The following STXBP5L variants were observed in gnomAD, a reference collection of about 807,000 sequenced individuals.
STXBP5L encodes the protein syntaxin-binding protein 5-like.
STXBP5L carries 65 observed loss-of-function variants against 144.5 expected under a neutral mutation model. The ratio of observed to expected loss-of-function variants is 0.45; its 90% CI spans 0.37 to 0.55. The LOEUF is 0.55. STXBP5L is among the 20% of genes least tolerant of loss of function. The pLI is 0.00. For synonymous variants in STXBP5L, 505 were observed against 469.6 expected (o/e 1.08, Z -0.97); for missense variants, 1,298 against 1,405.5 (o/e 0.92, Z 1.22).
intron 20 of STXBP5L, among the ~76,000 whole-genome samples, chr3:121,348,376 T>C (rs914916121): frequency 6.6e-6 from 1 of 152,150 alleles, no homozygotes; most frequent in African/African-American, 2.4e-5. Context: ...TTATTGAGGA[T>C]TTTTGTGTCG....
chr3:121,404,824 C>A (rs1237221655), intron 22 of STXBP5L, among the ~76,000 whole-genome samples: 5 of 152,126 alleles, frequency 3.3e-5, no homozygotes, highest in Admixed American at 6.6e-5. Flanking sequence ...TGAAAAGAAG[C>A]CTTCCCTTCT....
At chr3:121,301,470 A>G (rs944198971) in intron 19 of STXBP5L, among the ~76,000 whole-genome samples, 5 of 152,200 alleles carry the variant, frequency 3.3e-5, no homozygotes, top group African/African-American at 1.2e-4. Flanking sequence ...TTCTCTAGCT[A>G]TACAATCATG....
chr3:121,407,220 G>C, intron 22 of STXBP5L, 23 bp from the exon 23 acceptor site: 1 of 1,529,776 alleles, frequency 6.5e-7, no homozygotes, highest in African/African-American at 1.4e-5. Context: ...TGACATGTCA[G>C]TGATGTCCAA....
intron 3 of STXBP5L, among the ~76,000 whole-genome samples, chr3:121,006,759 C>G (rs552269661): frequency 1.3e-5 from 2 of 152,264 alleles, no homozygotes; most frequent in East Asian, 3.9e-4. Flanking sequence ...GTGACAAAAT[C>G]TCTCAGCATT....
intron 5 of STXBP5L, among the ~76,000 whole-genome samples, chr3:121,078,973 G>A (rs887744197): frequency 6.6e-5 from 10 of 152,198 alleles, no homozygotes; most frequent in Admixed American, 3.3e-4. Context: ...AGACAGCTCC[G>A]GCCTTGACCA....
chr3:121,020,460 A>T (rs1397647149), intron 3 of STXBP5L, among the ~76,000 whole-genome samples: 2 of 152,234 alleles, frequency 1.3e-5, no homozygotes, highest in Non-Finnish European at 1.5e-5. Flanking sequence ...ACACATAGTT[A>T]TCGGTTATCT....
At chr3:120,910,791 C>G (rs1224506191) in intron 2 of STXBP5L, among the ~76,000 whole-genome samples, 1 of 151,998 alleles carries the variant, frequency 6.6e-6, no homozygotes, top group Non-Finnish European at 1.5e-5. Context: ...CTAGCAGGGT[C>G]ATTATAAAAA....
chr3:120,977,263 C>T (rs1038446868), intron 3 of STXBP5L, among the ~76,000 whole-genome samples: 1 of 152,160 alleles, frequency 6.6e-6, no homozygotes, highest in African/African-American at 2.4e-5. Flanking sequence ...GGATAGTTAG[C>T]TCTTCTTGTT....
At chr3:121,197,312 A>G (rs556321350) in intron 9 of STXBP5L, among the ~76,000 whole-genome samples, 1 of 152,236 alleles carries the variant, frequency 6.6e-6, no homozygotes, top group South Asian at 2.1e-4. Flanking sequence ...GTCATACTAT[A>G]TCTTCCTTTT....
chr3:121,209,342 G>A (rs191837058), intron 10 of STXBP5L, among the ~76,000 whole-genome samples: 11 of 152,132 alleles, frequency 7.2e-5, no homozygotes, highest in African/African-American at 9.6e-5. Context: ...TTGAGGAATC[G>A]CCACAATGTC....
intron 5 of STXBP5L, among the ~76,000 whole-genome samples, chr3:121,091,281 T>A (rs2042777043): frequency 6.8e-6 from 1 of 147,520 alleles, no homozygotes; most frequent in Admixed American, 7.1e-5. Context: ...TATAGTCCTT[T>A]GGGTATATAC....
intron 3 of STXBP5L, among the ~76,000 whole-genome samples, chr3:121,034,061 T>A (rs1202969118): frequency 6.6e-6 from 1 of 152,118 alleles, no homozygotes; most frequent in African/African-American, 2.4e-5. Context: ...AATGAGCATC[T>A]ATAATATGCC....
intron 20 of STXBP5L, among the ~76,000 whole-genome samples, chr3:121,340,075 A>T (rs1352112591): frequency 3.9e-5 from 6 of 152,240 alleles, no homozygotes; most frequent in Non-Finnish European, 2.9e-5. Flanking sequence ...TATGGAACCA[A>T]AAAAGAGCCC....
intron 19 of STXBP5L, among the ~76,000 whole-genome samples, chr3:121,299,892 G>T (rs1222143595): frequency 6.7e-6 from 1 of 150,244 alleles, no homozygotes; most frequent in Non-Finnish European, 1.5e-5. Flanking sequence ...GAGGTTGGAG[G>T]ATTGCTTGAG....
intron 3 of STXBP5L, among the ~76,000 whole-genome samples, chr3:120,976,141 C>T (rs548675019): frequency 1.2e-4 from 18 of 152,244 alleles, no homozygotes; most frequent in African/African-American, 3.1e-4. Context: ...TCTTGTACCT[C>T]GGGTAGAATT....
chr3:121,403,583 A>G (rs1309862717), intron 22 of STXBP5L, among the ~76,000 whole-genome samples: 1 of 152,178 alleles, frequency 6.6e-6, no homozygotes, highest in Admixed American at 6.5e-5. Flanking sequence ...TGGGCAATAT[A>G]GTAGTGAATA....
At chr3:121,005,619 T>G (rs1158494207) in intron 3 of STXBP5L, among the ~76,000 whole-genome samples, 10 of 152,240 alleles carry the variant, frequency 6.6e-5, no homozygotes, top group African/African-American at 2.2e-4. Flanking sequence ...GCTCTTGCTT[T>G]TCTAGTTCTT....
chr3:121,388,751 C>T (rs979412592), intron 22 of STXBP5L, among the ~76,000 whole-genome samples: 1 of 152,130 alleles, frequency 6.6e-6, no homozygotes, highest in African/African-American at 2.4e-5. Flanking sequence ...CCAACTTGAT[C>T]GTGGTGGATA....
Position 121,109,128 on chromosome 3 carries a change from C to A in STXBP5L, c.471-5797C>A, listed in dbSNP as rs187379516. On this transcript the variant is annotated intron_variant, in intron 5 of 26. Transcript: ENST00000471454. ...CATTTTTTATTGTATCAATTTGATT[C>A]TTCCGTCTTTATTAGTCTAGGTAGC... Among the ~76,000 whole-genome samples the A allele has an allele frequency of 5.3e-5, 8 of 152,050 alleles. No individual in the cohort carries two copies. In the East Asian group the frequency reaches 1.5e-3, roughly 29 times the overall value.
Sources: gnomAD v4.1 joint callset for allele counts (sites outside exome capture counted in the v4.1 genomes callset) on GRCh38, gnomAD v4.1.1 for gene constraint, MANE v1.5 for transcripts, NCBI Gene and HGNC (gene_info 2026-07-23, HGNC 2026-07-21) for gene names.